RBFOX1: variants seen among roughly 807,000 people sequenced by gnomAD.
RBFOX1 encodes the protein RNA binding protein fox-1 homolog 1.
RBFOX1 carries 8 observed loss-of-function variants against 57.7 expected under a neutral mutation model. The observed-to-expected ratio is 0.14, with a 90% CI of 0.08 to 0.25. RBFOX1 has a LOEUF of 0.25. Among genes scored for constraint, RBFOX1 ranks in the 10% least tolerant of loss-of-function variants. The pLI is 1.00. For synonymous variants in RBFOX1, 326 were observed against 222.4 expected (o/e 1.47, Z -4.15); for missense variants, 611 against 548.5 (o/e 1.11, Z -1.14).
At chr16:6,016,834 C>A (rs920319934), upstream of RBFOX1, among the ~76,000 whole-genome samples, 2 of 152,064 alleles carry the variant, frequency 1.3e-5, no homozygotes, top group Non-Finnish European at 2.9e-5. Flanking sequence ...ACTTGGAATG[C>A]GAAAGGTCAT....
intron 2 of RBFOX1, among the ~76,000 whole-genome samples, chr16:6,439,825 G>A (rs1336559057): frequency 1.3e-5 from 2 of 152,104 alleles, no homozygotes; most frequent in Non-Finnish European, 2.9e-5. Context: ...ACCAAGGTGA[G>A]CATCCGACCC....
At chr16:6,210,358 C>CAAAAAAAAAAAAAAAAAAAAAAAAA (rs1567684381) in intron 1 of RBFOX1, among the ~76,000 whole-genome samples, 1 of 96,686 alleles carries the variant, frequency 1.0e-5, no homozygotes, top group Non-Finnish European at 2.0e-5. Flanking sequence ...AAAAAAAAAA[C>CAAAAAAAAAAAAAAAAAAAAAAAAA]ACCAAAAAAA....
intron 10 of RBFOX1, among the ~76,000 whole-genome samples, chr16:7,612,690 G>A (rs536696644): frequency 6.6e-6 from 1 of 152,016 alleles, no homozygotes; most frequent in African/African-American, 2.4e-5. Flanking sequence ...TTGATTTACG[G>A]CACCTTTAAT....
At chr16:6,915,390 A>T (rs2072878755) in intron 3 of RBFOX1, among the ~76,000 whole-genome samples, 1 of 152,182 alleles carries the variant, frequency 6.6e-6, no homozygotes, top group Non-Finnish European at 1.5e-5. Flanking sequence ...CTTCCCAAGC[A>T]TGTCACTTCT....
chr16:6,846,920 C>CAA (rs75672845), intron 3 of RBFOX1, among the ~76,000 whole-genome samples: 52 of 142,718 alleles, frequency 3.6e-4, no homozygotes, highest in African/African-American at 5.0e-4. Context: ...CCCTAGGAAA[C>CAA]AAAAAAAAAA....
At chr16:7,136,207 C>A (rs114199767) in intron 4 of RBFOX1, among the ~76,000 whole-genome samples, 11 of 152,060 alleles carry the variant, frequency 7.2e-5, no homozygotes, top group African/African-American at 2.7e-4. Context: ...AAGGCTAGTT[C>A]TTTGTGTTCG....
At chr16:6,057,107 G>A (rs1232422681) in intron 1 of RBFOX1, 1 of 152,040 alleles carries the variant, frequency 6.6e-6, no homozygotes, top group Non-Finnish European at 1.5e-5. Context: ...TAAATCAAGT[G>A]AGTTTTTGTG....
chr16:6,922,235 C>A (rs142054764), intron 3 of RBFOX1, among the ~76,000 whole-genome samples: 1 of 152,038 alleles, frequency 6.6e-6, no homozygotes, highest in Non-Finnish European at 1.5e-5. Context: ...GCATTGGCAT[C>A]GATCTCAGAA....
chr16:6,803,730 C>T (rs539703418), intron 3 of RBFOX1, among the ~76,000 whole-genome samples: 2 of 152,102 alleles, frequency 1.3e-5, no homozygotes, highest in African/African-American at 2.4e-5. Context: ...GCTTATCTTG[C>T]TTAAGAGTAA....
At chr16:5,247,351 C>G (rs2062328081) in intron 1 of RBFOX1, among the ~76,000 whole-genome samples, 1 of 152,184 alleles carries the variant, frequency 6.6e-6, no homozygotes, top group African/African-American at 2.4e-5. Context: ...GGAGGAGAAT[C>G]CAGCCTTGGT....
At chr16:6,819,360 A>T (rs1271910390) in intron 3 of RBFOX1, among the ~76,000 whole-genome samples, 1 of 152,132 alleles carries the variant, frequency 6.6e-6, no homozygotes, top group Admixed American at 6.5e-5. Context: ...TACAGTGAAC[A>T]CACACACACA....
chr16:6,562,868 C>CTTTTTTTTTTTTTT, intron 2 of RBFOX1, among the ~76,000 whole-genome samples: 1 of 50,336 alleles, frequency 2.0e-5, no homozygotes, highest in Non-Finnish European at 3.3e-5. Context: ...TTCTTTCTTT[C>CTTTTTTTTTTTTTT]TTTCTTTCTT....
At chr16:6,991,744 C>A (rs2091493511) in intron 3 of RBFOX1, among the ~76,000 whole-genome samples, 1 of 152,078 alleles carries the variant, frequency 6.6e-6, no homozygotes, top group Admixed American at 6.6e-5. Flanking sequence ...ACCATGTTGC[C>A]CAGGCTGGTC....
intron 10 of RBFOX1, 134 bp downstream of exon 10, chr16:7,607,472 T>G: frequency 1.2e-6 from 1 of 853,384 alleles, no homozygotes; most frequent in East Asian, 2.5e-5. Context: ...ATGATTTCTT[T>G]GGGCAAAATC....
At chr16:6,838,613 C>G (rs978635644) in intron 3 of RBFOX1, among the ~76,000 whole-genome samples, 2 of 152,166 alleles carry the variant, frequency 1.3e-5, no homozygotes, top group African/African-American at 4.8e-5. Context: ...TGCACTGCCA[C>G]TTAAGTAAAA....
intron 3 of RBFOX1, among the ~76,000 whole-genome samples, chr16:5,780,871 GCA>G (rs2054302963): frequency 6.6e-6 from 1 of 152,206 alleles, no homozygotes; most frequent in Non-Finnish European, 1.5e-5. Context: ...ATCGCTATCT[GCA>G]CAGTCTACCA....
intron 1 of RBFOX1, among the ~76,000 whole-genome samples, chr16:6,311,854 G>C (rs2080355453): frequency 6.6e-6 from 1 of 152,062 alleles, no homozygotes; most frequent in Non-Finnish European, 1.5e-5. Context: ...CAGGTGTGAT[G>C]GGCACTAACC....
At chr16:6,145,220 T>C (rs1016263433) in intron 1 of RBFOX1, among the ~76,000 whole-genome samples, 4 of 152,058 alleles carry the variant, frequency 2.6e-5, no homozygotes, top group Non-Finnish European at 1.5e-5. Context: ...CTGGGTGTGT[T>C]GTTCCCCTCT....
chr16:6,737,490 G>GTCCA (rs1450816819), intron 3 of RBFOX1, among the ~76,000 whole-genome samples: 4 of 152,172 alleles, frequency 2.6e-5, no homozygotes, highest in Non-Finnish European at 5.9e-5. Context: ...CAGTTCAGAT[G>GTCCA]GCCAAAACAG....
Sources: allele counts gnomAD v4.1 joint callset (sites outside exome capture counted in the v4.1 genomes callset), GRCh38; gene constraint gnomAD v4.1.1; transcripts MANE v1.5; gene names NCBI Gene and HGNC (gene_info 2026-07-23, HGNC 2026-07-21).